The following CMSS1 variants were observed in gnomAD, a reference collection of about 807,000 sequenced individuals.
CMSS1 encodes protein CMSS1.
CMSS1 carries 33 observed loss-of-function variants against 43.5 expected under a neutral mutation model. The ratio of observed to expected loss-of-function variants is 0.76; its 90% CI spans 0.57 to 1.01. The LOEUF (loss-of-function observed/expected upper bound fraction) is 1.01. CMSS1 is among the 50% of genes least tolerant of loss of function. CMSS1 has a pLI of 0.00. For missense variants in CMSS1, 313 were observed against 326.4 expected (o/e 0.96, Z 0.32); for synonymous variants, 115 against 117.2 (o/e 0.98, Z 0.12).
intron 4 of CMSS1, among the ~76,000 whole-genome samples, chr3:100,163,531 A>T (rs892148001): frequency 1.4e-4 from 22 of 152,264 alleles, no homozygotes; most frequent in South Asian, 4.1e-4. Context: ...CTAATTTTTT[A>T]AAAATATTTA....
intron 1 of CMSS1, among the ~76,000 whole-genome samples, chr3:99,972,235 C>G (rs1199890697): frequency 6.6e-6 from 1 of 152,162 alleles, no homozygotes. Flanking sequence ...AGCTAGTCAT[C>G]TCTTTCCCTT....
chr3:100,042,803 C>T (rs2065226275), intron 1 of CMSS1, among the ~76,000 whole-genome samples: 1 of 152,124 alleles, frequency 6.6e-6, no homozygotes, highest in Admixed American at 6.5e-5. Flanking sequence ...TTTTAAAGTT[C>T]CTAACAATCG....
chr3:99,987,954 T>C (rs1441426657), intron 1 of CMSS1, among the ~76,000 whole-genome samples: 1 of 152,228 alleles, frequency 6.6e-6, no homozygotes, highest in Admixed American at 6.5e-5. Flanking sequence ...GATACTGTTC[T>C]TCCAGGCCAT....
At chr3:99,832,231 CTT>C (rs577849748) in intron 1 of CMSS1, among the ~76,000 whole-genome samples, 19 of 138,106 alleles carry the variant, frequency 1.4e-4, no homozygotes, top group East Asian at 2.1e-4. Context: ...ATTCCTAAAT[CTT>C]TTTTTTTTTT....
chr3:99,988,347 A>C (rs1337121671), intron 1 of CMSS1, among the ~76,000 whole-genome samples: 2 of 148,718 alleles, frequency 1.3e-5, no homozygotes, highest in African/African-American at 2.5e-5. Flanking sequence ...AATCCAAAAA[A>C]AAAAAAAAAA....
chr3:99,969,087 C>T (rs1024160253), intron 1 of CMSS1, among the ~76,000 whole-genome samples: 8 of 151,992 alleles, frequency 5.3e-5, no homozygotes, highest in African/African-American at 1.9e-4. Context: ...GGAGCTCGGT[C>T]CTGGGAGTGC....
chr3:99,912,919 TC>T (rs1272961464), intron 1 of CMSS1, among the ~76,000 whole-genome samples: 1 of 152,100 alleles, frequency 6.6e-6, no homozygotes, highest in Non-Finnish European at 1.5e-5. Context: ...AATATTTGTG[TC>T]CCCCCAAACT....
At chr3:99,822,135 A>T (rs1003015101) in intron 1 of CMSS1, among the ~76,000 whole-genome samples, 3 of 152,206 alleles carry the variant, frequency 2.0e-5, no homozygotes, top group Admixed American at 1.3e-4. Flanking sequence ...TTTCAATGAC[A>T]TACCTATTAA....
intron 1 of CMSS1, among the ~76,000 whole-genome samples, chr3:99,937,870 A>C (rs939358866): frequency 4.6e-5 from 7 of 152,262 alleles, no homozygotes; most frequent in African/African-American, 1.7e-4. Flanking sequence ...TAAGTGCTTC[A>C]GTTCATTTAT....
intron 1 of CMSS1, among the ~76,000 whole-genome samples, chr3:100,037,957 G>C (rs5851192): frequency 1.9e-4 from 2 of 10,646 alleles, no homozygotes; most frequent in African/African-American, 2.7e-4. Flanking sequence ...TTTTTTTTTT[G>C]GGGGGGGAGG....
At chr3:99,845,142 A>G (rs1450670116) in intron 1 of CMSS1, among the ~76,000 whole-genome samples, 1 of 152,158 alleles carries the variant, frequency 6.6e-6, no homozygotes, top group African/African-American at 2.4e-5. Context: ...ACAAGTATCA[A>G]GATTCTTTCT....
chr3:100,120,250 A>T (rs1576085223), intron 1 of CMSS1, among the ~76,000 whole-genome samples: 1 of 150,372 alleles, frequency 6.7e-6, no homozygotes, highest in Admixed American at 6.6e-5. Context: ...TTTCTCTGGC[A>T]TAGCTATCAT....
intron 1 of CMSS1, among the ~76,000 whole-genome samples, chr3:99,819,967 C>A (rs1263932198): frequency 6.6e-6 from 1 of 151,716 alleles, no homozygotes; most frequent in Non-Finnish European, 1.5e-5. Context: ...GTTGGCCAGG[C>A]TGGTCTTGAT....
At chr3:100,021,403 C>T (rs1271869273) in intron 1 of CMSS1, among the ~76,000 whole-genome samples, 2 of 152,100 alleles carry the variant, frequency 1.3e-5, no homozygotes, top group Admixed American at 1.3e-4. Flanking sequence ...AAGAAATAAG[C>T]TTATGATGCA....
At chr3:99,896,175 C>T (rs1706245622) in intron 1 of CMSS1, among the ~76,000 whole-genome samples, 1 of 152,066 alleles carries the variant, frequency 6.6e-6, no homozygotes, top group Non-Finnish European at 1.5e-5. Flanking sequence ...GGCTCCATTC[C>T]GTCTGCTATT....
At chr3:100,167,644 T>A (rs1275628295) in intron 5 of CMSS1, 94 bp from the exon 6 acceptor site, 5 of 669,550 alleles carry the variant, frequency 7.5e-6, no homozygotes, top group Non-Finnish European at 1.3e-5. Flanking sequence ...TATTTTGTTT[T>A]GTTTAAATAC....
intron 1 of CMSS1, among the ~76,000 whole-genome samples, chr3:99,860,026 C>T (rs775291114): frequency 6.6e-6 from 1 of 152,182 alleles, no homozygotes; most frequent in Non-Finnish European, 1.5e-5. Context: ...AGAACAGTAA[C>T]ACTTTTTTTG....
At chr3:99,824,965 G>A (rs1942509757) in intron 1 of CMSS1, among the ~76,000 whole-genome samples, 1 of 152,174 alleles carries the variant, frequency 6.6e-6, no homozygotes, top group Non-Finnish European at 1.5e-5. Flanking sequence ...ATTCCTTCTG[G>A]AAATGGAGTA....
At chr3:100,014,896 T>TTTTTTTTTTTTTTTTTTTTTTTTTC (rs1710290155) in intron 1 of CMSS1, among the ~76,000 whole-genome samples, 1 of 70,232 alleles carries the variant, frequency 1.4e-5, no homozygotes, top group African/African-American at 5.0e-5. Context: ...TCTTTCTTTC[T>TTTTTTTTTTTTTTTTTTTTTTTTTC]TTTTTTTTTT....
Sources: gnomAD v4.1 joint callset for allele counts (sites outside exome capture counted in the v4.1 genomes callset) on GRCh38, gnomAD v4.1.1 for gene constraint, MANE v1.5 for transcripts, NCBI Gene and HGNC (gene_info 2026-07-23, HGNC 2026-07-21) for gene names.